PUDP: variants seen among roughly 807,000 people sequenced by gnomAD.
The protein encoded by PUDP is pseudouridine 5'-phosphatase.
Under a neutral mutation model 9.4 loss-of-function variants are expected in PUDP, and 8 were observed. The observed-to-expected ratio is 0.85, with a 90% CI of 0.50 to 1.53. PUDP has a LOEUF of 1.53. PUDP is among the 40% of genes most tolerant of loss of function. The pLI is 0.00. For synonymous variants in PUDP, 99 were observed against 80.7 expected (o/e 1.23, Z -1.22); for missense variants, 188 against 189.7 (o/e 0.99, Z 0.05).
Position 6,867,934 on chromosome X carries a change from T to C in PUDP, c.*247+109199A>G, listed in dbSNP as rs1179492187. On this transcript the variant is annotated intron_variant and NMD_transcript_variant, in intron 3 of 3. Coordinates refer to the PUDP transcript ENST00000655425. ...AAGGGTGAGAGCAAGAGGATGAAGC[T>C]TGCTTTATAACAAAGCCACTCTCAG... 2.7e-5 allele frequency among the ~76,000 whole-genome samples: 3 copies of C among 111,724 alleles called. No homozygotes were observed. In the East Asian group the frequency reaches 8.5e-4, roughly 32 times the overall value.
intron 1 of PUDP, among the ~76,000 whole-genome samples, chrX:6,710,264 A>G (rs756078144): frequency 5.3e-5 from 6 of 112,413 alleles, no homozygotes; most frequent in Non-Finnish European, 1.1e-4. Context: ...ATATCATCTG[A>G]CCAATTCAAG....
intron 3 of PUDP, among the ~76,000 whole-genome samples, chrX:6,836,650 C>T (rs1926586941): frequency 8.9e-6 from 1 of 112,345 alleles, no homozygotes; most frequent in Non-Finnish European, 1.9e-5. Context: ...GAAAGGCTTT[C>T]CAATTTTAAA....
intron 3 of PUDP, among the ~76,000 whole-genome samples, chrX:6,898,341 T>C (rs981245429): frequency 8.9e-6 from 1 of 112,764 alleles, no homozygotes; most frequent in Non-Finnish European, 1.9e-5. Flanking sequence ...CATGTCAAGA[T>C]TCATCGAGTT....
intron 3 of PUDP, among the ~76,000 whole-genome samples, chrX:6,934,491 A>G (rs1928261564): frequency 9.1e-6 from 1 of 110,423 alleles, no homozygotes; most frequent in African/African-American, 3.3e-5. Context: ...AGTGCTAAAC[A>G]TGGAAAGGAA....
chrX:6,866,188 T>A (rs931873177), intron 3 of PUDP, among the ~76,000 whole-genome samples: 1 of 109,851 alleles, frequency 9.1e-6, no homozygotes, highest in Non-Finnish European at 1.9e-5. Context: ...CTTCCCAAAG[T>A]CCTGGGATTA....
At chrX:6,809,104 A>G (rs139288049) in intron 3 of PUDP, among the ~76,000 whole-genome samples, 3,421 of 110,896 alleles carry the variant, frequency 0.031, 66 homozygotes, top group East Asian at 0.17. Flanking sequence ...ATGCTGGCTG[A>G]CTGCTCCTTC....
chrX:6,804,671 A>G (rs1344495434), intron 3 of PUDP, among the ~76,000 whole-genome samples: 1 of 111,276 alleles, frequency 9.0e-6, no homozygotes, highest in Non-Finnish European at 1.9e-5. Context: ...GGATTCCCAG[A>G]GAGATCCTCT....
chrX:6,889,003 T>A (rs1336341048), intron 3 of PUDP, among the ~76,000 whole-genome samples: 1 of 112,403 alleles, frequency 8.9e-6, no homozygotes, highest in Non-Finnish European at 1.9e-5. Context: ...GGGAAACGTA[T>A]GATTTGGCCA....
At chrX:7,123,816 G>C (rs1424258350) in intron 1 of PUDP, among the ~76,000 whole-genome samples, 1 of 111,910 alleles carries the variant, frequency 8.9e-6, no homozygotes, top group Non-Finnish European at 1.9e-5. Flanking sequence ...ACATTTTATA[G>C]TGATAAAGGT....
intron 1 of PUDP, chrX:7,113,153 G>A (rs1932100373): frequency 8.9e-6 from 1 of 112,429 alleles, no homozygotes; most frequent in African/African-American, 3.2e-5. Context: ...CTGCAGAGGA[G>A]GTTCCCAATG....
intron 1 of PUDP, among the ~76,000 whole-genome samples, chrX:6,995,553 G>A (rs781748879): frequency 3.7e-4 from 40 of 109,467 alleles, no homozygotes; most frequent in Non-Finnish European, 6.6e-4. Flanking sequence ...GCAAAACCCC[G>A]TCTCTAAAAA....
chrX:6,744,409 T>C (rs960589368), intron 3 of PUDP, among the ~76,000 whole-genome samples: 5 of 111,611 alleles, frequency 4.5e-5, no homozygotes, highest in African/African-American at 1.6e-4. Flanking sequence ...GATTCAAAGA[T>C]AGAAGAAGTG....
intron 1 of PUDP, among the ~76,000 whole-genome samples, chrX:7,143,094 C>T (rs1041217495): frequency 3.6e-5 from 4 of 111,627 alleles, no homozygotes; most frequent in East Asian, 5.6e-4. Flanking sequence ...ACACCTTCCA[C>T]CAGCAAAAGA....
intron 1 of PUDP, among the ~76,000 whole-genome samples, chrX:6,994,017 T>C (rs1929219437): frequency 8.9e-6 from 1 of 112,764 alleles, no homozygotes; most frequent in Non-Finnish European, 1.9e-5. Flanking sequence ...TGCTATTGAG[T>C]CCATCAGAAA....
chrX:6,944,783 T>G (rs1928442077), intron 3 of PUDP, among the ~76,000 whole-genome samples: 1 of 111,417 alleles, frequency 9.0e-6, no homozygotes, highest in Non-Finnish European at 1.9e-5. Context: ...AACTGAGGAC[T>G]GAGCTCCGAC....
At chrX:7,121,121 A>G (rs1932332259) in intron 1 of PUDP, among the ~76,000 whole-genome samples, 1 of 111,841 alleles carries the variant, frequency 8.9e-6, no homozygotes, top group South Asian at 3.8e-4. Flanking sequence ...TTGTACTCCA[A>G]TTAAACCTCC....
At chrX:6,992,320 T>TGCGGACTGC (rs748800050) in intron 1 of PUDP, among the ~76,000 whole-genome samples, 1 of 67,307 alleles carries the variant, frequency 1.5e-5, no homozygotes, top group Admixed American at 1.9e-4. Context: ...TCGCCCAGGC[T>TGCGGACTGC]GGAGTGCAGT....
chrX:7,051,665 CAT>C (rs1244080146), intron 3 of PUDP, among the ~76,000 whole-genome samples: 1 of 112,503 alleles, frequency 8.9e-6, no homozygotes, highest in Non-Finnish European at 1.9e-5. Flanking sequence ...GTAAGTTTCA[CAT>C]GAGGGCTCCC....
At chrX:6,897,141 T>C (rs1488903529) in intron 3 of PUDP, among the ~76,000 whole-genome samples, 1 of 110,985 alleles carries the variant, frequency 9.0e-6, no homozygotes, top group East Asian at 2.8e-4. Context: ...ATGTCAGGAG[T>C]AGAAGTCAGC....
Sources: gnomAD v4.1 joint callset for allele counts (sites outside exome capture counted in the v4.1 genomes callset) on GRCh38, gnomAD v4.1.1 for gene constraint, MANE v1.5 for transcripts, NCBI Gene and HGNC (gene_info 2026-07-23, HGNC 2026-07-21) for gene names.